The following RBFOX3 variants were observed in gnomAD, a reference collection of about 807,000 sequenced individuals.
The protein encoded by RBFOX3 is RNA binding protein fox-1 homolog 3.
In RBFOX3, 17 loss-of-function variants were observed where a neutral mutation model predicts 48.7. That is an observed-to-expected ratio of 0.35 (90% CI 0.24 to 0.52). The LOEUF is 0.52. Ranked by LOEUF, RBFOX3 falls within the 20% of genes least tolerant of loss-of-function variation. RBFOX3 has a pLI of 0.94. For synonymous variants in RBFOX3, 212 were observed against 209.5 expected, an observed-to-expected ratio of 1.01 and a Z score of -0.10; for missense variants, 382 against 497.5, an observed-to-expected ratio of 0.77 and a Z score of 2.21.
intron 3 of RBFOX3, among the ~76,000 whole-genome samples, chr17:79,246,567 C>T (rs769732647): frequency 3.3e-5 from 5 of 152,330 alleles, no homozygotes; most frequent in Admixed American, 6.5e-5. Flanking sequence ...TCCAGATGGC[C>T]GTCCAGTCCC....
At chr17:79,470,761 C>T (rs2076965364) in intron 2 of RBFOX3, among the ~76,000 whole-genome samples, 1 of 152,210 alleles carries the variant, frequency 6.6e-6, no homozygotes, top group Non-Finnish European at 1.5e-5. Context: ...GTAAGATGTG[C>T]TTGAAGTTTT....
At chr17:79,272,377 TG>T (rs1409981713) in intron 3 of RBFOX3, among the ~76,000 whole-genome samples, 1 of 152,166 alleles carries the variant, frequency 6.6e-6, no homozygotes, top group Non-Finnish European at 1.5e-5. Flanking sequence ...TGCATGCAGG[TG>T]GCAACACACT....
intron 1 of RBFOX3, among the ~76,000 whole-genome samples, chr17:79,521,301 TACAC>T (rs1253216689): frequency 6.9e-6 from 1 of 145,634 alleles, no homozygotes; most frequent in African/African-American, 2.6e-5. Context: ...CACTCACAGA[TACAC>T]ACACATGCTC....
intron 2 of RBFOX3, among the ~76,000 whole-genome samples, chr17:79,318,894 G>A (rs920344791): frequency 2.3e-5 from 3 of 129,748 alleles, no homozygotes; most frequent in African/African-American, 8.4e-5. Context: ...ATGGAGGGAG[G>A]GATAGCATTT....
the RBFOX3 span, among the ~76,000 whole-genome samples, chr17:79,651,244 T>C: frequency 6.6e-6 from 1 of 152,220 alleles, no homozygotes; most frequent in African/African-American, 2.4e-5. Context: ...GGCTCAGGGT[T>C]GGCTTCTGGA....
At chr17:79,245,429 T>C (rs945313465) in intron 3 of RBFOX3, among the ~76,000 whole-genome samples, 5 of 151,842 alleles carry the variant, frequency 3.3e-5, no homozygotes, top group Non-Finnish European at 7.4e-5. Flanking sequence ...TTGGTTTGAA[T>C]TTTTTGTGGT....
chr17:79,104,340 G>A lies in RBFOX3; in HGVS notation c.361-214C>T, dbSNP rs572578537. On this transcript the variant is annotated intron_variant, in intron 6 of 14. Coordinates refer to ENST00000693108, the MANE Select transcript of RBFOX3 (RefSeq NM_001350451.2). ...GAGAAGGCGATGGTGGGGATAGGGTGCCCAAGGCATCACCAAGAGGGTCCT... is the reference window on the plus strand; with the variant it reads ...GAGAAGGCGATGGTGGGGATAGGGTACCCAAGGCATCACCAAGAGGGTCCT... Among the ~76,000 whole-genome samples the A allele has an allele frequency of 6.6e-5, 10 of 152,164 alleles. 1 individual carries two copies. In the East Asian group the frequency reaches 1.7e-3, roughly 27 times the overall value.
chr17:79,303,166 C>T (rs984062733), intron 3 of RBFOX3, among the ~76,000 whole-genome samples: 1 of 152,178 alleles, frequency 6.6e-6, no homozygotes, highest in East Asian at 1.9e-4. Flanking sequence ...CTTAATCACA[C>T]CACCGTACTC....
chr17:79,176,852 G>A (rs2050664296), intron 4 of RBFOX3, among the ~76,000 whole-genome samples: 1 of 152,202 alleles, frequency 6.6e-6, no homozygotes, highest in East Asian at 1.9e-4. Context: ...AAATTCTAGG[G>A]GCCACAGCTG....
At chr17:79,239,802 G>A (rs2062101264) in intron 3 of RBFOX3, among the ~76,000 whole-genome samples, 1 of 152,274 alleles carries the variant, frequency 6.6e-6, no homozygotes, top group South Asian at 2.1e-4. Context: ...ACAAGGGAAT[G>A]AAATTGTAAC....
At chr17:79,316,500 G>A (rs1024363194) in intron 2 of RBFOX3, among the ~76,000 whole-genome samples, 6 of 152,196 alleles carry the variant, frequency 3.9e-5, no homozygotes, top group Non-Finnish European at 8.8e-5. Flanking sequence ...TGGGCAGCTC[G>A]TCGCTCTGCT....
upstream of RBFOX3, among the ~76,000 whole-genome samples, chr17:79,614,505 G>A (rs1692587109): frequency 6.6e-6 from 1 of 152,108 alleles, no homozygotes; most frequent in Admixed American, 6.5e-5. Context: ...AAAAAGCCAA[G>A]GATGACCAGA....
At chr17:79,247,310 A>ATTTTT (rs57539628) in intron 3 of RBFOX3, among the ~76,000 whole-genome samples, 4,842 of 116,416 alleles carry the variant, frequency 0.042, 280 homozygotes, top group South Asian at 0.072. Flanking sequence ...ACATAATCGT[A>ATTTTT]TTTTTTTTTT....
intron 1 of RBFOX3, among the ~76,000 whole-genome samples, chr17:79,558,199 G>A (rs1418605766): frequency 6.6e-6 from 1 of 152,176 alleles, no homozygotes; most frequent in Non-Finnish European, 1.5e-5. Context: ...CAGAGGAGCT[G>A]AGAGGGCCAC....
chr17:79,648,537 G>T, the RBFOX3 span, among the ~76,000 whole-genome samples: 1 of 152,202 alleles, frequency 6.6e-6, no homozygotes, highest in Non-Finnish European at 1.5e-5. Flanking sequence ...AGCAAGCCCT[G>T]CAAACAGCAA....
Position 79,536,555 on chromosome 17 carries a change from G to A in RBFOX3, c.-319-53957C>T, listed in dbSNP as rs371262640. Among the ~76,000 whole-genome samples, 171 of 152,360 alleles carry A rather than the reference G, an allele frequency of 1.1e-3. 1 individual carries two copies. The highest frequency in any genetic ancestry group is 3.7e-3 in the African/African-American group (155 of 41,586). Reference sequence around the variant, plus strand: ...CTGTGGTGGCATCAGCCCCGTCAACGGTGATCCATTGCCCTGATGGGCAAG... The same window carrying A: ...CTGTGGTGGCATCAGCCCCGTCAACAGTGATCCATTGCCCTGATGGGCAAG... On this transcript the variant is annotated intron_variant, in intron 1 of 14. Coordinates refer to ENST00000693108, the MANE Select transcript of RBFOX3 (RefSeq NM_001350451.2).
chr17:79,571,703 T>A (rs1438577263), intron 1 of RBFOX3, among the ~76,000 whole-genome samples: 2 of 151,846 alleles, frequency 1.3e-5, no homozygotes, highest in African/African-American at 2.4e-5. Flanking sequence ...CAAGCAAGGG[T>A]GGTGGGTCAG....
chr17:79,409,859 C>A (rs868400950), intron 2 of RBFOX3, among the ~76,000 whole-genome samples: 1 of 152,204 alleles, frequency 6.6e-6, no homozygotes, highest in Admixed American at 6.5e-5. Flanking sequence ...GACACCCCCC[C>A]ATCCACCCAT....
the RBFOX3 span, among the ~76,000 whole-genome samples, chr17:79,626,721 C>T: frequency 2.1e-3 from 315 of 152,334 alleles, 1 homozygote; most frequent in African/African-American, 7.0e-3. Context: ...CCATCTCTAC[C>T]GCATGTTTGC....
Sources: gnomAD v4.1 joint callset for allele counts (sites outside exome capture counted in the v4.1 genomes callset) on GRCh38, gnomAD v4.1.1 for gene constraint, MANE v1.5 for transcripts, NCBI Gene and HGNC (gene_info 2026-07-23, HGNC 2026-07-21) for gene names.